Variants in ZC3H3 observed in about 807,000 individuals in gnomAD.
ZC3H3 encodes the protein zinc finger CCCH domain-containing protein 3.
In ZC3H3, 36 loss-of-function variants were observed where a neutral mutation model predicts 77.3. The observed-to-expected ratio is 0.47, with a 90% CI of 0.36 to 0.61. The LOEUF (loss-of-function observed/expected upper bound fraction) is 0.61. Among genes scored for constraint, ZC3H3 ranks in the 20% least tolerant of loss-of-function variants. ZC3H3 has a pLI of 0.00. For synonymous variants in ZC3H3, 626 were observed against 555.2 expected (o/e 1.13, Z -1.79); for missense variants, 1,331 against 1,312.2 (o/e 1.01, Z -0.22).
intron 4 of ZC3H3, among the ~76,000 whole-genome samples, chr8:143,483,014 G>A (rs763324992): frequency 2.0e-4 from 31 of 152,366 alleles, no homozygotes; most frequent in African/African-American, 7.0e-4. Context: ...CAGTGGCAAC[G>A]TGCAGTAAAC....
rs1334202869 is a variant in ZC3H3 at position 143,538,724 on chromosome 8, G to C, written c.643C>G (p.Pro215Ala). Residue 215 changes from proline to alanine, a missense_variant, in exon 2 of 12, where the codon CCC (proline) becomes GCC (alanine). Pro to Ala is a conservative substitution (Grantham distance 27). Transcript: ENST00000262577. Reference protein sequence around the residue: ...VGSVGDSPREPRRTVSESVIA... With the variant: ...VGSVGDSPREARRTVSESVIA... Reference sequence around the variant, plus strand: ...ACACTCTCACTGACTGTCCGGCGGGGCTCCCGGGGGCTGTCGCCCACACTG... The same window carrying C: ...ACACTCTCACTGACTGTCCGGCGGGCCTCCCGGGGGCTGTCGCCCACACTG... 1 of 1,609,302 alleles carries C rather than the reference G, an allele frequency of 6.2e-7. No homozygotes were observed. The highest frequency in any genetic ancestry group is 2.2e-5 in the East Asian group (1 of 44,888).
chr8:143,450,228 C>G (rs186770004), intron 9 of ZC3H3, among the ~76,000 whole-genome samples: 24 of 152,324 alleles, frequency 1.6e-4, no homozygotes, highest in Non-Finnish European at 3.1e-4. Flanking sequence ...GCTGCCCAGG[C>G]TGGAGTGCAG....
chr8:143,462,350 C>G lies in ZC3H3; in HGVS notation c.2307+3367G>C, dbSNP rs1301392976. Among the ~76,000 whole-genome samples the G allele has an allele frequency of 6.6e-6, 1 of 152,218 alleles. No individual in the cohort carries two copies. Among genetic ancestry groups the G allele is most frequent in the Non-Finnish European group, 1.5e-5 (1 of 68,042 alleles). On this transcript the variant is annotated intron_variant, in intron 9 of 11. Transcript: ENST00000262577. The surrounding 1 kb of genome is among the most constrained non-coding windows in gnomAD (Gnocchi z 4.7). ...GGCACTCTGTGACCATGGGTGGAGA[C>G]TGGTCCTAAACAAGACCCCGAGCAC...
At chr8:143,497,197 G>A (rs775866444) in intron 4 of ZC3H3, among the ~76,000 whole-genome samples, 2 of 152,208 alleles carry the variant, frequency 1.3e-5, no homozygotes, top group African/African-American at 4.8e-5. Context: ...AGCTAGTTAG[G>A]AGAGGAAAGA....
intron 1 of ZC3H3, among the ~76,000 whole-genome samples, 191 bp from the exon 2 acceptor site, chr8:143,539,511 C>T (rs1381445666): frequency 6.6e-6 from 1 of 152,194 alleles, no homozygotes; most frequent in Non-Finnish European, 1.5e-5. Context: ...CTGGGCCTGT[C>T]GCTTCTATGA....
chr8:143,492,327 G>A (rs1255089428), intron 4 of ZC3H3, among the ~76,000 whole-genome samples: 1 of 152,116 alleles, frequency 6.6e-6, no homozygotes, highest in African/African-American at 2.4e-5. Flanking sequence ...GGGATCCGGT[G>A]GCGGCCACCT....
chr8:143,493,194 AGGGTCCCGTGTCCTGGCCCAG>A lies in ZC3H3; in HGVS notation c.1715+14531_1715+14551del. On this transcript the variant is annotated intron_variant, in intron 4 of 11. Coordinates refer to ENST00000262577, the MANE Select transcript of ZC3H3 (RefSeq NM_015117.3). This position sits in a 1 kb window ranked among gnomAD's most constrained non-coding sequence, Gnocchi z 4.8. ...GTCCTGGCCCAGGGGCTCCCTCCTC[AGGGTCCCGTGTCCTGGCCCAG>A]GGGCTCCCTCCTCAGGGTCCTGTGT... Among the ~76,000 whole-genome samples the A allele has an allele frequency of 6.8e-6, 1 of 146,956 alleles. No homozygotes were observed.
chr8:143,507,297 G>A (rs1821731943), intron 4 of ZC3H3, among the ~76,000 whole-genome samples: 1 of 152,254 alleles, frequency 6.6e-6, no homozygotes, highest in Non-Finnish European at 1.5e-5. Flanking sequence ...GCAGGGCAAG[G>A]AGTAGCTCAC....
chr8:143,452,724 G>A (rs1216158582), intron 9 of ZC3H3, among the ~76,000 whole-genome samples: 1 of 152,184 alleles, frequency 6.6e-6, no homozygotes, highest in African/African-American at 2.4e-5. Context: ...CAGCTGAATG[G>A]ATGAGACAGA....
At chr8:143,506,367 CTTA>C (rs1200859799) in intron 4 of ZC3H3, among the ~76,000 whole-genome samples, 1 of 152,132 alleles carries the variant, frequency 6.6e-6, no homozygotes, top group Non-Finnish European at 1.5e-5. Context: ...ATCCGGGGCT[CTTA>C]TTAAGTAAAT....
chr8:143,481,289 A>G (rs927023176), intron 4 of ZC3H3, among the ~76,000 whole-genome samples: 3 of 152,226 alleles, frequency 2.0e-5, no homozygotes, highest in African/African-American at 7.2e-5. Flanking sequence ...CATCTGGAGG[A>G]GAGCTGCTGA....
chr8:143,518,775 C>G (rs1822145123), intron 3 of ZC3H3, among the ~76,000 whole-genome samples: 2 of 152,260 alleles, frequency 1.3e-5, no homozygotes, highest in South Asian at 4.1e-4. Context: ...CTCCCTCTGG[C>G]ACATACAAAC....
rs899463878 is a variant in ZC3H3 at position 143,457,266 on chromosome 8, A to G, written c.2307+8451T>C. On this transcript the variant is annotated intron_variant, in intron 9 of 11. Coordinates refer to ENST00000262577, the MANE Select transcript of ZC3H3 (RefSeq NM_015117.3). ...TCAATACAGATCGAACTAGAAATCA[A>G]TGAAAGAAAGGTAACAGGAAAATCT... Among the ~76,000 whole-genome samples the G allele has an allele frequency of 9.8e-5, 15 of 152,342 alleles. No individual in the cohort carries two copies. In the South Asian group the frequency reaches 2.5e-3, roughly 25 times the overall value.
At chr8:143,441,843 G>A (rs550185829) in intron 9 of ZC3H3, among the ~76,000 whole-genome samples, 7 of 152,246 alleles carry the variant, frequency 4.6e-5, no homozygotes, top group East Asian at 1.9e-4. Context: ...TGCCTGCCTC[G>A]TGCCCAAGGC....
chr8:143,449,604 G>A (rs1819937916), intron 9 of ZC3H3, among the ~76,000 whole-genome samples: 1 of 152,176 alleles, frequency 6.6e-6, no homozygotes, highest in Admixed American at 6.6e-5. Flanking sequence ...TGGGTGTGGT[G>A]GTACATGCCT....
intron 4 of ZC3H3, among the ~76,000 whole-genome samples, chr8:143,491,440 G>A (rs935440357): frequency 6.6e-6 from 1 of 152,244 alleles, no homozygotes; most frequent in African/African-American, 2.4e-5. Flanking sequence ...ACAGGGACAG[G>A]GACAGCCATT....
At chr8:143,461,610 G>A (rs768755638) in intron 9 of ZC3H3, among the ~76,000 whole-genome samples, 2 of 152,098 alleles carry the variant, frequency 1.3e-5, no homozygotes, top group East Asian at 1.9e-4. Flanking sequence ...CCACCCGAAC[G>A]GACAAAGAAA....
chr8:143,514,516 G>A (rs1821970614), intron 3 of ZC3H3, among the ~76,000 whole-genome samples: 1 of 152,234 alleles, frequency 6.6e-6, no homozygotes. Flanking sequence ...ACATGCACAC[G>A]GTGGGCGGTG....
chr8:143,438,286 C>T (rs1819636611), intron 11 of ZC3H3, among the ~76,000 whole-genome samples, 199 bp from the exon 12 acceptor site: 1 of 152,162 alleles, frequency 6.6e-6, no homozygotes, highest in South Asian at 2.1e-4. Context: ...CCCCTGCTGC[C>T]AACAGGTCCT....
Sources: allele counts gnomAD v4.1 joint callset (sites outside exome capture counted in the v4.1 genomes callset), GRCh38; gene constraint gnomAD v4.1.1; non-coding constraint Gnocchi (gnomAD v3.1); transcripts MANE v1.5; gene names NCBI Gene and HGNC (gene_info 2026-07-23, HGNC 2026-07-21).